Variants in ADAMTS12 observed in about 807,000 individuals in gnomAD.
ADAMTS12 encodes ADAM metallopeptidase with thrombospondin type 1 motif 12.
A neutral mutation model predicts 167.8 loss-of-function variants in ADAMTS12; 118 were observed. That is an observed-to-expected ratio of 0.70 (90% CI 0.61 to 0.82). The LOEUF (loss-of-function observed/expected upper bound fraction) is 0.82. Among genes scored for constraint, ADAMTS12 ranks in the 40% least tolerant of loss-of-function variants. ADAMTS12 has a pLI of 0.00. For missense variants in ADAMTS12, 1,916 were observed against 1,998.8 expected (o/e 0.96, Z 0.79); for synonymous variants, 704 against 716.9 (o/e 0.98, Z 0.29).
intron 19 of ADAMTS12, among the ~76,000 whole-genome samples, chr5:33,566,045 T>C (rs987964303): frequency 6.6e-6 from 1 of 152,202 alleles, no homozygotes; most frequent in Non-Finnish European, 1.5e-5. Flanking sequence ...ATCTGGGTCA[T>C]CATACAACCA....
intron 14 of ADAMTS12, among the ~76,000 whole-genome samples, chr5:33,621,323 C>A (rs955599382): frequency 4.6e-5 from 7 of 150,954 alleles, no homozygotes; most frequent in Non-Finnish European, 1.0e-4. Flanking sequence ...TTGCTTGAAC[C>A]CAGGAGGCAG....
intron 5 of ADAMTS12, among the ~76,000 whole-genome samples, chr5:33,679,656 T>C (rs867978921): frequency 2.4e-4 from 36 of 152,318 alleles, no homozygotes; most frequent in Middle Eastern, 3.4e-3. Flanking sequence ...CCTATCCCAG[T>C]ACTTCTATAC....
At chr5:33,869,635 G>A (rs185655873) in intron 2 of ADAMTS12, among the ~76,000 whole-genome samples, 25 of 152,242 alleles carry the variant, frequency 1.6e-4, no homozygotes, top group South Asian at 4.2e-4. Context: ...GGGAGTGTAC[G>A]AATAGGGTGT....
intron 5 of ADAMTS12, among the ~76,000 whole-genome samples, chr5:33,672,653 C>G (rs77585638): frequency 6.6e-6 from 1 of 152,174 alleles, no homozygotes; most frequent in Non-Finnish European, 1.5e-5. Context: ...TTCCAATCTA[C>G]GTGTGTCTGT....
intron 2 of ADAMTS12, among the ~76,000 whole-genome samples, chr5:33,855,624 A>G (rs930140963): frequency 6.6e-6 from 1 of 152,228 alleles, no homozygotes; most frequent in African/African-American, 2.4e-5. Flanking sequence ...TTTATATTTC[A>G]GCAGAAATGT....
chr5:33,550,734 A>G (rs983805895), intron 20 of ADAMTS12, among the ~76,000 whole-genome samples: 1 of 152,110 alleles, frequency 6.6e-6, no homozygotes, highest in Non-Finnish European at 1.5e-5. Context: ...ACTGCAGAGC[A>G]ACTTTGATTG....
intron 14 of ADAMTS12, among the ~76,000 whole-genome samples, chr5:33,616,275 A>T (rs1421842909): frequency 2.0e-5 from 3 of 152,122 alleles, no homozygotes; most frequent in Admixed American, 6.5e-5. Context: ...GAGTTTTGTG[A>T]CTCAATATGT....
At chr5:33,675,164 G>A (rs1361152589) in intron 5 of ADAMTS12, among the ~76,000 whole-genome samples, 1 of 152,158 alleles carries the variant, frequency 6.6e-6, no homozygotes, top group Non-Finnish European at 1.5e-5. Context: ...CCTAGTCTGT[G>A]ATATTCTGTT....
Position 33,526,273 on chromosome 5 carries a change from G to A in ADAMTS12, c.*915C>T, listed in dbSNP as rs1028162109. The stretch of plus-strand genomic sequence containing the variant: ...ATACAGCCCCTGCAGCAAGACGATG[G>A]TGGGACCTGAGCTCAGGCCTCCTGT... On this transcript the variant is annotated 3_prime_UTR_variant, in exon 24 of 24. Transcript: ENST00000504830. 3 of 152,160 alleles carry A rather than the reference G, an allele frequency of 2.0e-5. No individual in the cohort carries two copies. Among genetic ancestry groups the A allele is most frequent in the African/African-American group, 7.2e-5 (3 of 41,444 alleles). 9.4% of individuals were successfully genotyped at this position (152,160 alleles called of 1,614,324 possible).
At chr5:33,579,082 G>A (rs1006717187) in intron 18 of ADAMTS12, among the ~76,000 whole-genome samples, 1 of 152,180 alleles carries the variant, frequency 6.6e-6, no homozygotes, top group Non-Finnish European at 1.5e-5. Context: ...ACTTCTCCCT[G>A]GACCTAGAAA....
At chr5:33,568,604 T>G (rs1292539686) in intron 19 of ADAMTS12, among the ~76,000 whole-genome samples, 2 of 152,234 alleles carry the variant, frequency 1.3e-5, no homozygotes, top group Non-Finnish European at 2.9e-5. Flanking sequence ...AGTGAGACAC[T>G]TACCTACTCA....
intron 2 of ADAMTS12, among the ~76,000 whole-genome samples, chr5:33,781,026 T>C (rs780720830): frequency 7.2e-5 from 11 of 152,170 alleles, no homozygotes; most frequent in Non-Finnish European, 1.0e-4. Flanking sequence ...GCAAAACTGG[T>C]TGAAACAACG....
chr5:33,711,131 G>A (rs745625233), intron 3 of ADAMTS12, among the ~76,000 whole-genome samples: 2 of 151,956 alleles, frequency 1.3e-5, no homozygotes, highest in East Asian at 1.9e-4. Context: ...TCACCAGCTC[G>A]GGACCTCAAC....
chr5:33,868,036 T>G (rs1749890232), intron 2 of ADAMTS12, among the ~76,000 whole-genome samples: 1 of 152,190 alleles, frequency 6.6e-6, no homozygotes, highest in African/African-American at 2.4e-5. Flanking sequence ...CCGTGTAATA[T>G]ATGCCTCCTT....
intron 2 of ADAMTS12, among the ~76,000 whole-genome samples, chr5:33,839,795 G>C (rs914894341): frequency 6.6e-6 from 1 of 152,112 alleles, no homozygotes; most frequent in Non-Finnish European, 1.5e-5. Flanking sequence ...CATTAGCCCT[G>C]CTTCTCCGCA....
At chr5:33,578,442 T>C (rs894778441) in intron 18 of ADAMTS12, among the ~76,000 whole-genome samples, 7 of 152,182 alleles carry the variant, frequency 4.6e-5, no homozygotes, top group Non-Finnish European at 8.8e-5. Context: ...ACTGTACAAG[T>C]AGCTGTCCAT....
chr5:33,720,885 A>T (rs138028464), intron 3 of ADAMTS12, among the ~76,000 whole-genome samples: 3 of 152,188 alleles, frequency 2.0e-5, no homozygotes, highest in Admixed American at 6.5e-5. Context: ...ATGTGTGTGT[A>T]TTCTCAAAAG....
intron 11 of ADAMTS12, among the ~76,000 whole-genome samples, chr5:33,641,399 G>T (rs1242456773): frequency 2.0e-5 from 3 of 152,168 alleles, no homozygotes; most frequent in Non-Finnish European, 4.4e-5. Flanking sequence ...ATAAAATTGT[G>T]TATTCATTAT....
chr5:33,782,110 T>C (rs142902726), intron 2 of ADAMTS12, among the ~76,000 whole-genome samples: 2,276 of 152,226 alleles, frequency 0.015, 31 homozygotes, highest in South Asian at 0.049. Flanking sequence ...TTCTATTTTC[T>C]TCTCTTATTT....
Sources: gnomAD v4.1 joint callset for allele counts (sites outside exome capture counted in the v4.1 genomes callset) on GRCh38, gnomAD v4.1.1 for gene constraint, MANE v1.5 for transcripts, NCBI Gene and HGNC (gene_info 2026-07-23, HGNC 2026-07-21) for gene names.